Variants in NEK10 observed in about 807,000 individuals in gnomAD.
The protein encoded by NEK10 is NIMA related kinase 10.
In NEK10, 122 loss-of-function variants were observed where a neutral mutation model predicts 159.8. The observed-to-expected ratio is 0.76, with a 90% CI of 0.66 to 0.89. NEK10 has a LOEUF of 0.89. Ranked by LOEUF, NEK10 falls within the 40% of genes least tolerant of loss-of-function variation. NEK10 has a pLI of 0.00. For missense variants in NEK10, 1,342 were observed against 1,323.1 expected (o/e 1.01, Z -0.22); for synonymous variants, 466 against 457.1 (o/e 1.02, Z -0.25).
intron 30 of NEK10, among the ~76,000 whole-genome samples, chr3:27,144,611 C>A (rs777207431): frequency 6.6e-6 from 1 of 152,258 alleles, no homozygotes. Context: ...TTTATCTAAA[C>A]GCTAGTGAGG....
chr3:27,365,597 GT>G lies in NEK10; in HGVS notation c.-38+3627del, dbSNP rs71091128. Among the ~76,000 whole-genome samples the G allele has an allele frequency of 4.6e-3, 416 of 90,948 alleles. 4 individuals carry two copies. The highest frequency in any genetic ancestry group is 0.016 in the African/African-American group (393 of 24,560). 59.7% of individuals were successfully genotyped at this position (90,948 alleles called of 152,430 possible). A position where few individuals can be genotyped will look rare whatever the true frequency, so the allele number is the denominator to read the frequency against. On this transcript the variant is annotated intron_variant, in intron 1 of 35. Transcript: ENST00000691995. ...CTGTTTTTTTGTTTTGGTTTTTTGT[GT>G]TTTTTTTTTGTGTTTTTTTTTTTTT...
chr3:27,192,860 A>G (rs952634187), intron 25 of NEK10, among the ~76,000 whole-genome samples: 2 of 152,162 alleles, frequency 1.3e-5, no homozygotes, highest in African/African-American at 2.4e-5. Flanking sequence ...CTGGTCCTGT[A>G]TTTGCCATCA....
chr3:27,317,018 A>T (rs1273085662), intron 6 of NEK10, among the ~76,000 whole-genome samples: 1 of 152,220 alleles, frequency 6.6e-6, no homozygotes, highest in African/African-American at 2.4e-5. Flanking sequence ...CTGTGGAATA[A>T]AGTTTGAGAA....
intron 6 of NEK10, among the ~76,000 whole-genome samples, chr3:27,318,826 T>C (rs768762562): frequency 6.6e-5 from 10 of 152,142 alleles, no homozygotes; most frequent in Non-Finnish European, 1.5e-4. Context: ...AGGGGAAAGT[T>C]TGAGGCTGTA....
chr3:27,253,253 C>T (rs1195371706), intron 23 of NEK10, among the ~76,000 whole-genome samples: 4 of 152,106 alleles, frequency 2.6e-5, no homozygotes, highest in African/African-American at 9.7e-5. Context: ...GTATTTTATA[C>T]ATCATACTAG....
At chr3:27,285,058 C>A (rs930981091) in intron 20 of NEK10, 97 bp from the exon 21 acceptor site, 4 of 872,336 alleles carry the variant, frequency 4.6e-6, no homozygotes, top group East Asian at 2.6e-5. Context: ...AGTGTCTGTG[C>A]GGGACACTAA....
At chr3:27,177,435 C>T (rs1042241772) in intron 26 of NEK10, among the ~76,000 whole-genome samples, 1 of 151,886 alleles carries the variant, frequency 6.6e-6, no homozygotes, top group Non-Finnish European at 1.5e-5. Context: ...GTCCCAGCTA[C>T]TCGGGAGGCT....
intron 28 of NEK10, 28 bp downstream of exon 28, chr3:27,174,411 A>G (rs1947304202): frequency 2.5e-6 from 4 of 1,608,418 alleles, no homozygotes; most frequent in Non-Finnish European, 3.4e-6. Flanking sequence ...GAATCCCACA[A>G]ACAGCAAATT....
At chr3:27,173,812 G>T (rs1199902477) in intron 28 of NEK10, among the ~76,000 whole-genome samples, 2 of 151,556 alleles carry the variant, frequency 1.3e-5, no homozygotes, top group African/African-American at 4.8e-5. Context: ...TAAGTTTCAG[G>T]TTTGTTCCAT....
Position 27,209,221 on chromosome 3 carries a change from C to G in NEK10, c.2091-6664G>C, listed in dbSNP as rs553027338. Among the ~76,000 whole-genome samples the G allele has an allele frequency of 1.0e-3, 156 of 152,278 alleles. 1 individual carries two copies. The highest frequency in any genetic ancestry group is 1.8e-3 in the Non-Finnish European group (124 of 68,018). ...ACTAAAATGTTCATTGGTGTTTATTCAAAATTCAAATTTCATTGGCCACCC... is the reference window on the plus strand; with the variant it reads ...ACTAAAATGTTCATTGGTGTTTATTGAAAATTCAAATTTCATTGGCCACCC... On this transcript the variant is annotated intron_variant, in intron 23 of 35. Transcript: ENST00000691995.
At chr3:27,331,251 C>CAAAAAAAAAAAAAAAA (rs1247716064) in intron 5 of NEK10, among the ~76,000 whole-genome samples, 1 of 53,908 alleles carries the variant, frequency 1.9e-5, no homozygotes, top group African/African-American at 4.6e-5. Context: ...AAAAAAAAAA[C>CAAAAAAAAAAAAAAAA]AAAAAAAAAA....
chr3:27,141,541 T>A lies in NEK10; in HGVS notation c.2911A>T (p.Ile971Phe). 6 of 1,613,554 alleles carry A rather than the reference T, an allele frequency of 3.7e-6. No individual in the cohort carries two copies. Among genetic ancestry groups the A allele is most frequent in the Non-Finnish European group, 5.1e-6 (6 of 1,179,608 alleles). The change falls in exon 31 of 36, where the codon ATC becomes TTC. Residue 971 changes from isoleucine to phenylalanine, a missense_variant. Physicochemically the swap from Ile to Phe is conservative, Grantham distance 21 (BLOSUM62 0). Transcript: ENST00000691995. ...AATATCTGCTGAATAGGATCACTGA[T>A]CTGACGCACTTTCCTCTGGGACACA... ...IAVSQRKVRQISDPIQQILIQ... is the reference protein window; with the variant it reads ...IAVSQRKVRQFSDPIQQILIQ...
chr3:27,125,930 T>G (rs539222171), intron 32 of NEK10, among the ~76,000 whole-genome samples: 15 of 152,302 alleles, frequency 9.8e-5, no homozygotes, highest in African/African-American at 3.1e-4. Flanking sequence ...CTGAAGGTGA[T>G]GTCAAGGAAG....
intron 25 of NEK10, among the ~76,000 whole-genome samples, chr3:27,193,168 C>T (rs2148985578): frequency 6.6e-6 from 1 of 152,322 alleles, no homozygotes; most frequent in East Asian, 1.9e-4. Context: ...TCCCTTCCTA[C>T]ATTTAACAAA....
chr3:27,245,515 G>A (rs1433153529), intron 23 of NEK10, among the ~76,000 whole-genome samples: 2 of 152,088 alleles, frequency 1.3e-5, no homozygotes, highest in Non-Finnish European at 2.9e-5. Flanking sequence ...AAAGATCCAA[G>A]GGACTCTAGC....
chr3:27,327,887 A>G, intron 5 of NEK10, among the ~76,000 whole-genome samples: 1 of 152,036 alleles, frequency 6.6e-6, no homozygotes. Flanking sequence ...ACAGAGTCCA[A>G]TTTTTTTGGA....
chr3:27,230,880 A>C (rs528407200), intron 23 of NEK10, among the ~76,000 whole-genome samples: 2 of 152,084 alleles, frequency 1.3e-5, no homozygotes, highest in Non-Finnish European at 1.5e-5. Context: ...AACAATTACT[A>C]CCAGACTCAA....
chr3:27,291,644 C>A, intron 16 of NEK10, 58 bp from the exon 17 acceptor site: 1 of 996,732 alleles, frequency 1.0e-6, no homozygotes, highest in East Asian at 2.4e-5. Context: ...ATCATTACTT[C>A]CCTTTTTTAT....
chr3:27,165,247 G>T (rs960868948), intron 29 of NEK10, among the ~76,000 whole-genome samples: 8 of 152,098 alleles, frequency 5.3e-5, no homozygotes, highest in Admixed American at 5.2e-4. Context: ...ATCACTAACC[G>T]CAAGAAAATA....
Sources: gnomAD v4.1 joint callset for allele counts (sites outside exome capture counted in the v4.1 genomes callset) on GRCh38, gnomAD v4.1.1 for gene constraint, MANE v1.5 for transcripts, NCBI Gene and HGNC (gene_info 2026-07-23, HGNC 2026-07-21) for gene names.